ZSWIM6: variants seen among roughly 807,000 people sequenced by gnomAD.
ZSWIM6 encodes zinc finger SWIM-type containing 6, also known as zinc finger SWIM domain-containing protein 6.
A neutral mutation model predicts 113.2 loss-of-function variants in ZSWIM6; 9 were observed. The ratio of observed to expected loss-of-function variants is 0.08; its 90% confidence interval spans 0.05 to 0.14. The LOEUF (loss-of-function observed/expected upper bound fraction) is 0.14, where lower values mean the gene tolerates loss of function less well. ZSWIM6 is among the 10% of genes least tolerant of loss of function. ZSWIM6 has a pLI of 1.00. For missense variants in ZSWIM6, 1,162 were observed against 1,552.2 expected, an observed-to-expected ratio of 0.75 and a Z score of 4.22; for synonymous variants, 611 against 606.5, an observed-to-expected ratio of 1.01 and a Z score of -0.11.
At chr5:61,522,004 G>A (rs377123272) in intron 5 of ZSWIM6, among the ~76,000 whole-genome samples, 2 of 151,868 alleles carry the variant, frequency 1.3e-5, no homozygotes, top group South Asian at 2.1e-4. Flanking sequence ...TAGGCTAATA[G>A]TGCCCTCCAA....
chr5:61,353,984 C>G (rs1026637808), intron 1 of ZSWIM6, among the ~76,000 whole-genome samples: 3 of 152,140 alleles, frequency 2.0e-5, no homozygotes, highest in Non-Finnish European at 4.4e-5. Context: ...CTCTTACTAC[C>G]GAATTATAGC....
At chr5:61,481,445 A>G (rs1223612833) in intron 2 of ZSWIM6, among the ~76,000 whole-genome samples, 1 of 152,042 alleles carries the variant, frequency 6.6e-6, no homozygotes, top group African/African-American at 2.4e-5. Context: ...TTTAATTATT[A>G]AGATCTAGAA....
chr5:61,448,417 G>A (rs1189189926), intron 1 of ZSWIM6, among the ~76,000 whole-genome samples: 3 of 152,122 alleles, frequency 2.0e-5, no homozygotes, highest in East Asian at 3.9e-4. Flanking sequence ...ATTGAACATA[G>A]GCCTATATTA....
intron 1 of ZSWIM6, among the ~76,000 whole-genome samples, chr5:61,395,920 T>TA (rs1561221395): frequency 1.3e-5 from 2 of 152,230 alleles, no homozygotes. Flanking sequence ...CTTTTTTTTT[T>TA]ATGGGAGGTA....
chr5:61,374,658 A>C (rs1398482702), intron 1 of ZSWIM6, among the ~76,000 whole-genome samples: 1 of 152,030 alleles, frequency 6.6e-6, no homozygotes, highest in African/African-American at 2.4e-5. Flanking sequence ...GGTTCACGCC[A>C]TTCTCCTGCC....
In ZSWIM6 at chr5:61,543,368, G is replaced by A. The variant is rs771238272; in HGVS notation, c.2786-87G>A. 6 of 1,438,916 alleles carry A rather than the reference G, an allele frequency of 4.2e-6. No homozygotes were observed. Among genetic ancestry groups the A allele is most frequent in the Non-Finnish European group, 5.5e-6 (6 of 1,086,570 alleles). The allele number at this position is 1,438,916 out of a possible 1,614,324, so 89.1% of individuals were successfully genotyped here. On this transcript the variant is annotated intron_variant, in intron 13 of 13. Transcript: ENST00000252744. This position sits in a 1 kb window ranked among gnomAD's most constrained non-coding sequence, Gnocchi z 4.3. ...CTCATGTCCTATGATGGTTAACAATGTAAACACTGGTTGTAAAAGTCAAAA... is the reference window on the plus strand; with the variant it reads ...CTCATGTCCTATGATGGTTAACAATATAAACACTGGTTGTAAAAGTCAAAA...
At chr5:61,526,156 A>T in intron 6 of ZSWIM6, 94 bp from the exon 7 acceptor site, 1 of 1,452,418 alleles carries the variant, frequency 6.9e-7, no homozygotes, top group Non-Finnish European at 9.2e-7. Flanking sequence ...GTGTCTTTTT[A>T]ATAGTATTTT....
intron 1 of ZSWIM6, among the ~76,000 whole-genome samples, chr5:61,339,693 C>T (rs770066708): frequency 1.3e-5 from 2 of 152,078 alleles, no homozygotes; most frequent in African/African-American, 2.4e-5. Flanking sequence ...AGAAACAAAG[C>T]GGGTTATAGG....
intron 4 of ZSWIM6, among the ~76,000 whole-genome samples, chr5:61,494,616 A>G (rs1178713555): frequency 6.6e-6 from 1 of 152,078 alleles, no homozygotes; most frequent in African/African-American, 2.4e-5. Flanking sequence ...TTTTGGGGGA[A>G]TTGCCTGATC....
intron 4 of ZSWIM6, among the ~76,000 whole-genome samples, chr5:61,512,162 C>G (rs1427956693): frequency 2.0e-5 from 3 of 152,130 alleles, no homozygotes; most frequent in Non-Finnish European, 2.9e-5. Flanking sequence ...CTGATCTGTT[C>G]TCAGTCCCTT....
chr5:61,332,628 G>A lies in ZSWIM6; in HGVS notation c.356G>A (p.Arg119Gln), dbSNP rs1744278172. Reference protein sequence around the residue: ...IVYWSFPRSEREICMYSSFNT... With the variant: ...IVYWSFPRSEQEICMYSSFNT... ...TATTGGTCCTTCCCCCGCAGCGAGC[G>A]GGAGATCTGCATGTACTCGTCCTTC... The change falls in exon 1 of 14, where the codon CGG (arginine) becomes CAG (glutamine). Residue 119 changes from arginine to glutamine, a missense_variant. By Grantham distance (43) the Arg-to-Gln change is conservative. This residue lies in a region of ZSWIM6 where 333 missense variants were observed against 293.4 expected (regional missense o/e 1.13). Coordinates refer to ENST00000252744, the MANE Select transcript of ZSWIM6 (RefSeq NM_020928.2). The A allele has an allele frequency of 8.0e-7, 1 of 1,250,226 alleles. No homozygotes were observed. Among genetic ancestry groups the A allele is most frequent in the Non-Finnish European group, 1.0e-6 (1 of 962,958 alleles). The allele number at this position is 1,250,226 out of a possible 1,614,324, so 77.4% of individuals were successfully genotyped here.
intron 1 of ZSWIM6, among the ~76,000 whole-genome samples, chr5:61,466,261 T>C (rs1019320628): frequency 1.7e-4 from 26 of 152,240 alleles, no homozygotes; most frequent in African/African-American, 5.8e-4. Context: ...CATAATCAAG[T>C]ATTAGTTACT....
intron 1 of ZSWIM6, among the ~76,000 whole-genome samples, chr5:61,437,687 T>G (rs1199700532): frequency 6.8e-6 from 1 of 146,774 alleles, no homozygotes; most frequent in Non-Finnish European, 1.5e-5. Context: ...ACTGCACTCT[T>G]GTCTGGTTGA....
intron 1 of ZSWIM6, among the ~76,000 whole-genome samples, chr5:61,446,954 C>T (rs1011630556): frequency 2.6e-5 from 4 of 152,144 alleles, no homozygotes; most frequent in Admixed American, 2.6e-4. Flanking sequence ...ATGGCTAAAC[C>T]TCATTTGCAC....
intron 1 of ZSWIM6, among the ~76,000 whole-genome samples, chr5:61,437,864 T>G (rs919869793): frequency 1.1e-4 from 16 of 152,170 alleles, no homozygotes; most frequent in Non-Finnish European, 2.1e-4. Flanking sequence ...GTTAGTAACT[T>G]ACTAACTATA....
chr5:61,355,035 A>G (rs1010631682), intron 1 of ZSWIM6, among the ~76,000 whole-genome samples: 2 of 152,122 alleles, frequency 1.3e-5, no homozygotes, highest in Non-Finnish European at 2.9e-5. Context: ...CCTGTTTTTA[A>G]TTCAGTATTA....
At chr5:61,450,598 T>A (rs867543615) in intron 1 of ZSWIM6, among the ~76,000 whole-genome samples, 55 of 152,318 alleles carry the variant, frequency 3.6e-4, no homozygotes, top group Middle Eastern at 3.4e-3. Context: ...GGATTTTTTT[T>A]AAATCATTTC....
intron 1 of ZSWIM6, among the ~76,000 whole-genome samples, chr5:61,336,483 C>A (rs780978740): frequency 6.6e-6 from 1 of 152,102 alleles, no homozygotes; most frequent in Non-Finnish European, 1.5e-5. Context: ...AAGGGCCGGG[C>A]GCAGTGAGTC....
At chr5:61,414,106 C>T (rs778600940) in intron 1 of ZSWIM6, among the ~76,000 whole-genome samples, 79 of 151,964 alleles carry the variant, frequency 5.2e-4, no homozygotes, top group Non-Finnish European at 1.0e-3. Flanking sequence ...AAGGAATTGA[C>T]TTGAGTGTAG....
Sources: gnomAD v4.1 joint callset for allele counts (sites outside exome capture counted in the v4.1 genomes callset) on GRCh38, gnomAD v4.1.1 for gene constraint, gnomAD v4.1.1 regional missense constraint, Gnocchi (gnomAD v3.1) non-coding constraint, MANE v1.5 for transcripts, NCBI Gene and HGNC (gene_info 2026-07-23, HGNC 2026-07-21) for gene names.